Variants in ZNF844 observed in about 807,000 individuals in gnomAD.
ZNF844 encodes the protein zinc finger protein 844.
A neutral mutation model predicts 11.4 loss-of-function variants in ZNF844; 11 were observed. The ratio of observed to expected loss-of-function variants is 0.97; its 90% CI spans 0.61 to 1.60. The LOEUF (loss-of-function observed/expected upper bound fraction) is 1.60, where lower values mean the gene tolerates loss of function less well. Ranked by LOEUF, ZNF844 falls within the 40% of genes most tolerant of loss-of-function variation. The pLI, the probability that ZNF844 is intolerant of heterozygous loss-of-function variation, is 0.00. For missense variants in ZNF844, 790 were observed against 796.8 expected (o/e 0.99, Z 0.10); for synonymous variants, 248 against 260.3 (o/e 0.95, Z 0.46).
chr19:12,071,894 T>TTG (rs1555718179), intron 1 of ZNF844, among the ~76,000 whole-genome samples: 4 of 151,092 alleles, frequency 2.6e-5, no homozygotes, highest in African/African-American at 9.7e-5. Flanking sequence ...TTTTTTTTTT[T>TTG]TTTGTTTGTT....
chr19:12,079,795 A>T lies in ZNF844; in HGVS notation c.*2674A>T, dbSNP rs573869544. The T allele has an allele frequency of 2.6e-5, 4 of 152,008 alleles. No individual in the cohort carries two copies. The highest frequency in any genetic ancestry group is 9.7e-5 in the African/African-American group (4 of 41,372). The allele number at this position is 152,008 out of a possible 1,614,324, so 9.4% of individuals were successfully genotyped here. A position where few individuals can be genotyped will look rare whatever the true frequency, so the allele number is the denominator to read the frequency against. ...CCCCATCGCTACTAAAAATACAAAA[A>T]ATTAGATGGGCATGGTGGCACATGC... On this transcript the variant is annotated 3_prime_UTR_variant, in exon 4 of 4. Coordinates refer to ENST00000439326, the MANE Select transcript of ZNF844 (RefSeq NM_001136501.3).
At chr19:12,073,929 G>A in intron 1 of ZNF844, 102 bp from the exon 2 acceptor site, 5 of 1,435,624 alleles carry the variant, frequency 3.5e-6, no homozygotes, top group Non-Finnish European at 4.7e-6. Context: ...TAGAATAAAT[G>A]TTTGGAGTCC....
Position 12,079,217 on chromosome 19 carries a change from A to G in ZNF844, c.*2096A>G, listed in dbSNP as rs557701114. On this transcript the variant is annotated 3_prime_UTR_variant, in exon 4 of 4. Coordinates refer to ENST00000439326, the MANE Select transcript of ZNF844 (RefSeq NM_001136501.3). Reference sequence around the variant, plus strand: ...AAGAGAGACCCTCTGAATGCAAGCAATATGGAAAAGCATTCCATTGTATCA... The same window carrying G: ...AAGAGAGACCCTCTGAATGCAAGCAGTATGGAAAAGCATTCCATTGTATCA... The G allele has an allele frequency of 5.3e-5, 8 of 152,208 alleles. No individual in the cohort carries two copies. The highest frequency in any genetic ancestry group is 1.2e-4 in the Non-Finnish European group (8 of 68,050). The allele number at this position is 152,208 out of a possible 1,614,324, so 9.4% of individuals were successfully genotyped here.
At chr19:12,073,245 C>T (rs1228602432) in intron 1 of ZNF844, among the ~76,000 whole-genome samples, 6 of 151,962 alleles carry the variant, frequency 3.9e-5, no homozygotes, top group African/African-American at 9.7e-5. Context: ...CCGCAACCTC[C>T]GCCTGCCAGG....
chr19:12,064,934 G>A (rs528175076), intron 1 of ZNF844, 58 bp downstream of exon 1: 2 of 1,543,214 alleles, frequency 1.3e-6, no homozygotes, highest in African/African-American at 2.7e-5. Context: ...GCGGAGGCTG[G>A]TTGGAACTGG....
chr19:12,066,607 C>T (rs1457171711), intron 1 of ZNF844, among the ~76,000 whole-genome samples: 4 of 140,664 alleles, frequency 2.8e-5, no homozygotes, highest in African/African-American at 1.1e-4. Context: ...AGTGCAGTGA[C>T]GCGATCTCGG....
rs1262400988 is a variant in ZNF844 at position 12,079,131 on chromosome 19, T to C, written c.*2010T>C. ...TCCCAAAGTGCTGTGCATACAGGCA[T>C]GAGCCACTGCACCCGGCCTTCTCCC... On this transcript the variant is annotated 3_prime_UTR_variant, in exon 4 of 4. Coordinates refer to ENST00000439326, the MANE Select transcript of ZNF844 (RefSeq NM_001136501.3). 1 of 152,168 alleles carries C rather than the reference T, an allele frequency of 6.6e-6. No individual in the cohort carries two copies. 9.4% of individuals were successfully genotyped at this position (152,168 alleles called of 1,614,324 possible). A position where few individuals can be genotyped will look rare whatever the true frequency, so the allele number is the denominator to read the frequency against.
intron 1 of ZNF844, 135 bp downstream of exon 1, chr19:12,065,011 C>A: frequency 1.0e-6 from 1 of 953,380 alleles, no homozygotes; most frequent in Non-Finnish European, 1.5e-6. Context: ...CCGAGCCCCG[C>A]TGGCGCAGCT....
Position 12,077,358 on chromosome 19 carries a change from A to T in ZNF844, c.*237A>T, listed in dbSNP as rs1182630574. 2.4e-6 allele frequency: 2 copies of T among 822,192 alleles called. No individual in the cohort carries two copies. The highest frequency in any genetic ancestry group is 3.4e-5 in the African/African-American group (2 of 59,394). 50.9% of individuals were successfully genotyped at this position (822,192 alleles called of 1,614,324 possible). ...CAGTTCCATTCAGTACCATGAAAGG[A>T]CTCACACTGGAGAGAAACAGTATGA... On this transcript the variant is annotated 3_prime_UTR_variant, in exon 4 of 4. Coordinates refer to ENST00000439326, the MANE Select transcript of ZNF844 (RefSeq NM_001136501.3).
intron 1 of ZNF844, among the ~76,000 whole-genome samples, chr19:12,066,027 A>T (rs1340482595): frequency 6.6e-6 from 1 of 151,980 alleles, no homozygotes; most frequent in African/African-American, 2.4e-5. Context: ...CCACCTGAGC[A>T]GCAGCTCAGG....
intron 3 of ZNF844, among the ~76,000 whole-genome samples, chr19:12,074,665 C>T (rs983106060): frequency 2.6e-5 from 4 of 152,096 alleles, no homozygotes; most frequent in African/African-American, 9.7e-5. Context: ...TTGAGAAGAG[C>T]CTGAGCAAAA....
chr19:12,077,746 G>T lies in ZNF844; in HGVS notation c.*625G>T. ...TATAAGCAATATGGGAAAGCCTTCA[G>T]ATTTGCTAAGAACCTTCAAATACAG... On this transcript the variant is annotated 3_prime_UTR_variant, in exon 4 of 4. Coordinates refer to ENST00000439326, the MANE Select transcript of ZNF844 (RefSeq NM_001136501.3). The T allele has an allele frequency of 2.6e-6, 1 of 387,978 alleles. No homozygotes were observed. The allele number at this position is 387,978 out of a possible 1,614,324, so 24.0% of individuals were successfully genotyped here. A position where few individuals can be genotyped will look rare whatever the true frequency, so the allele number is the denominator to read the frequency against.
At chr19:12,073,162 C>G (rs982047944) in intron 1 of ZNF844, among the ~76,000 whole-genome samples, 2 of 151,312 alleles carry the variant, frequency 1.3e-5, no homozygotes, top group Non-Finnish European at 2.9e-5. Flanking sequence ...CTACCACAGT[C>G]TGCTTTTTTT....
At chr19:12,073,948 A>C in intron 1 of ZNF844, 83 bp from the exon 2 acceptor site, 1 of 1,511,398 alleles carries the variant, frequency 6.6e-7, no homozygotes, top group South Asian at 1.3e-5. Flanking sequence ...CCACAGCATC[A>C]TGGGAACTTC....
intron 1 of ZNF844, among the ~76,000 whole-genome samples, chr19:12,072,658 A>G (rs188979871): frequency 6.6e-6 from 1 of 152,144 alleles, no homozygotes; most frequent in African/African-American, 2.4e-5. Flanking sequence ...ATCTACGCTC[A>G]CTGCAACCTC....
At chr19:12,075,177 C>T (rs1394888030) in intron 3 of ZNF844, 135 bp from the exon 4 acceptor site, 1 of 552,524 alleles carries the variant, frequency 1.8e-6, no homozygotes, top group Non-Finnish European at 2.5e-6. Flanking sequence ...ACGTTGTGCA[C>T]ATGTACCCTA....
Position 12,067,607 on chromosome 19 carries a change from C to CAAAAA in ZNF844, c.3+2754_3+2758dup, listed in dbSNP as rs772282496. On this transcript the variant is annotated intron_variant, in intron 1 of 3. Coordinates refer to ENST00000439326, the MANE Select transcript of ZNF844 (RefSeq NM_001136501.3). ...GGGCAACAAGAGTGAAACTCTGTCT[C>CAAAAA]AAAAAAAAAAAAAAAAAAAAAAAAA... Among the ~76,000 whole-genome samples, 27 of 37,436 alleles carry CAAAAA rather than the reference C, an allele frequency of 7.2e-4. 2 individuals carry two copies. Among genetic ancestry groups the CAAAAA allele is most frequent in the East Asian group, 1.7e-3 (1 of 596 alleles). The allele number at this position is 37,436 out of a possible 152,430, so 24.6% of individuals were successfully genotyped here.
chr19:12,074,888 C>T (rs1975789847), intron 3 of ZNF844, among the ~76,000 whole-genome samples: 2 of 152,100 alleles, frequency 1.3e-5, no homozygotes, highest in Non-Finnish European at 2.9e-5. Flanking sequence ...GTAAAATAGT[C>T]TACATGGAAA....
At position 12,076,253 on chromosome 19, in the gene ZNF844, G is replaced by C. The variant is rs781594037; in HGVS notation, c.1133G>C (p.Arg378Pro). ...TVEKPLILPV[R>P]FEDMKELTLE... Reference sequence around the variant, plus strand: ...GAAAAGCCTTTGATTCTCCCAGTTCGTTTTGAAGACATGAAAGAACTCACA... The same window carrying C: ...GAAAAGCCTTTGATTCTCCCAGTTCCTTTTGAAGACATGAAAGAACTCACA... Residue 378 changes from arginine (R) to proline (P), a missense_variant, in exon 4 of 4, where the codon CGT (arginine) becomes CCT (proline). Physicochemically the swap from Arg to Pro is moderately radical, Grantham distance 103 (BLOSUM62 -2). Coordinates refer to ENST00000439326, the MANE Select transcript of ZNF844 (RefSeq NM_001136501.3). The C allele has an allele frequency of 3.7e-6, 6 of 1,608,460 alleles. No individual in the cohort carries two copies. Among genetic ancestry groups the C allele is most frequent in the Non-Finnish European group, 4.2e-6 (5 of 1,177,804 alleles).
Sources: gnomAD v4.1 joint callset for allele counts (sites outside exome capture counted in the v4.1 genomes callset) on GRCh38, gnomAD v4.1.1 for gene constraint, MANE v1.5 for transcripts, NCBI Gene and HGNC (gene_info 2026-07-23, HGNC 2026-07-21) for gene names.